PAX7: variants seen among roughly 807,000 people sequenced by gnomAD.
The protein encoded by PAX7 is paired box protein Pax-7.
In PAX7, 18 loss-of-function variants were observed where a neutral mutation model predicts 50.7. The ratio of observed to expected loss-of-function variants is 0.36; its 90% CI spans 0.25 to 0.53. The LOEUF is 0.53. Ranked by LOEUF, PAX7 falls within the 20% of genes least tolerant of loss-of-function variation. The probability of loss-of-function intolerance (pLI) is 0.93; values close to 1 mark genes in which losing one functional copy is unlikely to be tolerated. For synonymous variants in PAX7, 310 were observed against 290.4 expected (o/e 1.07, Z -0.69); for missense variants, 644 against 702.9 (o/e 0.92, Z 0.95).
Position 18,636,506 on chromosome 1 carries a change from C to CA in PAX7, c.586+135_586+136insA. 1 of 1,154,178 alleles carries CA rather than the reference C, an allele frequency of 8.7e-7. No homozygotes were observed. Among genetic ancestry groups the CA allele is most frequent in the Non-Finnish European group, 1.2e-6 (1 of 818,672 alleles). The allele number at this position is 1,154,178 out of a possible 1,614,324, so 71.5% of individuals were successfully genotyped here. Reference sequence around the variant, plus strand: ...GAGAAACTCTCATGCTGCGGGGCAGCTGGGAGCCGCTCAGGCTTTGCCGAC... The same window carrying CA: ...GAGAAACTCTCATGCTGCGGGGCAGCATGGGAGCCGCTCAGGCTTTGCCGAC... On this transcript the variant is annotated intron_variant, in intron 4 of 8. Transcript: ENST00000420770. This position sits in a 1 kb window ranked among gnomAD's most constrained non-coding sequence, Gnocchi z 5.1.
chr1:18,678,478 G>A (rs926278213), intron 4 of PAX7, among the ~76,000 whole-genome samples: 5 of 152,072 alleles, frequency 3.3e-5, no homozygotes, highest in South Asian at 2.1e-4. Context: ...AGTAATGCCC[G>A]ATATAAGAAA....
At chr1:18,681,693 TTA>T (rs1397789504) in intron 4 of PAX7, among the ~76,000 whole-genome samples, 7 of 12,036 alleles carry the variant, frequency 5.8e-4, no homozygotes, top group African/African-American at 1.2e-3. Flanking sequence ...GGCTTAGAAT[TTA>T]TTTTATTTTA....
rs56258552 is a variant in PAX7, at chr1:18,727,371, T to TACACAC, written c.1156-8227_1156-8222dup. Reference sequence around the variant, plus strand: ...TCATCCTCTCTCTCTCTCTCTCTCATACACACACACACACACACACACACA... The same window carrying TACACAC: ...TCATCCTCTCTCTCTCTCTCTCTCATACACACACACACACACACACACACACACACA... On this transcript the variant is annotated intron_variant, in intron 7 of 8. Transcript: ENST00000420770. Among the ~76,000 whole-genome samples the TACACAC allele has an allele frequency of 7.5e-3, 1,001 of 134,068 alleles. 46 individuals carry two copies. The East Asian group carries it at 0.13, about 18-fold the overall frequency. 88.0% of individuals were successfully genotyped at this position (134,068 alleles called of 152,430 possible). A position where few individuals can be genotyped will look rare whatever the true frequency, so the allele number is the denominator to read the frequency against.
At chr1:18,681,975 T>C (rs992826993) in intron 4 of PAX7, among the ~76,000 whole-genome samples, 1 of 152,130 alleles carries the variant, frequency 6.6e-6, no homozygotes, top group Admixed American at 6.5e-5. Context: ...TGACCTCAGA[T>C]GATCCACCCA....
At position 18,635,092 on chromosome 1, in the gene PAX7, C is replaced by T; in HGVS notation, c.322-19C>T. On this transcript the variant is annotated intron_variant, in intron 2 of 8. Transcript: ENST00000420770. ...CATCCCATCTTTCCACTCCTACTCT[C>T]CCACCTCCACCTCTGAAGCAGGTGG... is the stretch of plus-strand genomic sequence containing the variant. 1.2e-6 allele frequency: 2 copies of T among 1,612,830 alleles called. No homozygotes were observed. The highest frequency in any genetic ancestry group is 1.7e-6 in the Non-Finnish European group (2 of 1,179,252).
chr1:18,729,021 C>G (rs902828129), intron 7 of PAX7, among the ~76,000 whole-genome samples: 3 of 152,194 alleles, frequency 2.0e-5, no homozygotes, highest in African/African-American at 7.2e-5. Flanking sequence ...TGCCTGGAGG[C>G]AGAGGTGGAT....
chr1:18,694,318 G>T (rs1011472752), intron 5 of PAX7, among the ~76,000 whole-genome samples: 2 of 151,774 alleles, frequency 1.3e-5, no homozygotes, highest in Non-Finnish European at 2.9e-5. Flanking sequence ...AATTAGCCGG[G>T]CATGCTAGCG....
Position 18,748,697 on chromosome 1 carries a change from C to A in PAX7, c.*3768C>A, listed in dbSNP as rs951274970. The A allele has an allele frequency of 7.3e-5, 17 of 231,636 alleles. No homozygotes were observed. The highest frequency in any genetic ancestry group is 1.4e-4 in the Non-Finnish European group (16 of 117,190). The allele number at this position is 231,636 out of a possible 1,614,324, so 14.3% of individuals were successfully genotyped here. A position where few individuals can be genotyped will look rare whatever the true frequency, so the allele number is the denominator to read the frequency against. Reference sequence around the variant, plus strand: ...GGTGTGAGTGGGGTGTGTGCGTGGGCGTGTGGGCGTGAGGTGTGTGTTTAA... The same window carrying A: ...GGTGTGAGTGGGGTGTGTGCGTGGGAGTGTGGGCGTGAGGTGTGTGTTTAA... On this transcript the variant is annotated 3_prime_UTR_variant, in exon 9 of 9. Transcript: ENST00000420770.
chr1:18,699,956 T>A (rs765743299), intron 5 of PAX7, among the ~76,000 whole-genome samples: 2 of 152,136 alleles, frequency 1.3e-5, no homozygotes, highest in Non-Finnish European at 2.9e-5. Context: ...TTTCCCCTTC[T>A]GTAAAATGGG....
intron 4 of PAX7, among the ~76,000 whole-genome samples, chr1:18,681,958 G>A (rs758114170): frequency 2.0e-4 from 30 of 151,964 alleles, no homozygotes; most frequent in Non-Finnish European, 3.2e-4. Context: ...GGCTGGTCTC[G>A]AACTCCTGAC....
intron 5 of PAX7, among the ~76,000 whole-genome samples, chr1:18,695,680 C>T (rs1425426388): frequency 6.6e-6 from 1 of 152,170 alleles, no homozygotes; most frequent in Non-Finnish European, 1.5e-5. Flanking sequence ...CCTGGGGACC[C>T]ATGACTCCTT....
chr1:18,637,164 T>G (rs893348677), intron 4 of PAX7, among the ~76,000 whole-genome samples: 3 of 151,958 alleles, frequency 2.0e-5, no homozygotes, highest in African/African-American at 7.3e-5. Flanking sequence ...GGGCGTTTAG[T>G]TTTCAAGCGC....
At chr1:18,732,308 G>A (rs1313674704) in intron 7 of PAX7, among the ~76,000 whole-genome samples, 1 of 152,198 alleles carries the variant, frequency 6.6e-6, no homozygotes, top group Non-Finnish European at 1.5e-5. Flanking sequence ...CCAGTGCCTG[G>A]CTTAGTGTCT....
At chr1:18,740,947 C>T (rs1157696404) in intron 8 of PAX7, among the ~76,000 whole-genome samples, 1 of 152,118 alleles carries the variant, frequency 6.6e-6, no homozygotes, top group East Asian at 1.9e-4. Context: ...GAAGGTTGAT[C>T]TCATGGAGGT....
At chr1:18,728,524 C>T (rs61760727) in intron 7 of PAX7, among the ~76,000 whole-genome samples, 26,426 of 151,750 alleles carry the variant, frequency 0.17, 2,486 homozygotes, top group Middle Eastern at 0.32. Context: ...GACTAGTGGC[C>T]GTCAAACTTG....
intron 4 of PAX7, among the ~76,000 whole-genome samples, chr1:18,650,280 C>T (rs769030337): frequency 6.6e-6 from 1 of 152,240 alleles, no homozygotes; most frequent in Non-Finnish European, 1.5e-5. Context: ...GGAACTTTCT[C>T]TCCTGGCTGG....
rs1456864197 is a variant in PAX7, at chr1:18,642,674, G to A, written c.586+6303G>A. ...CCAACTCTGGCTGAAAGAGGAAAAGGTGGAAATGGGGTCAGCGCTTTCTGA... is the reference window on the plus strand; with the variant it reads ...CCAACTCTGGCTGAAAGAGGAAAAGATGGAAATGGGGTCAGCGCTTTCTGA... On this transcript the variant is annotated intron_variant, in intron 4 of 8. Coordinates refer to ENST00000420770, the MANE Select transcript of PAX7 (RefSeq NM_001135254.2). 3.3e-5 allele frequency among the ~76,000 whole-genome samples: 5 copies of A among 152,060 alleles called. No individual in the cohort carries two copies. The East Asian group carries it at 9.7e-4, about 30-fold the overall frequency.
intron 4 of PAX7, among the ~76,000 whole-genome samples, chr1:18,679,905 G>A (rs1422064398): frequency 6.6e-6 from 1 of 152,202 alleles, no homozygotes; most frequent in Non-Finnish European, 1.5e-5. Context: ...GGATACAGAA[G>A]TAAAATAGGT....
intron 4 of PAX7, among the ~76,000 whole-genome samples, chr1:18,640,012 T>G (rs1570107713): frequency 2.1e-5 from 3 of 141,502 alleles, no homozygotes; most frequent in African/African-American, 5.3e-5. Context: ...ATCCTGGGGG[T>G]GTCAAAGTCC....
Sources: gnomAD v4.1 joint callset for allele counts (sites outside exome capture counted in the v4.1 genomes callset) on GRCh38, gnomAD v4.1.1 for gene constraint, Gnocchi (gnomAD v3.1) non-coding constraint, MANE v1.5 for transcripts, NCBI Gene and HGNC (gene_info 2026-07-23, HGNC 2026-07-21) for gene names.